ACVR1: variants seen among roughly 807,000 people sequenced by gnomAD.
ACVR1 encodes the protein activin A receptor type 1, also known as activin receptor type-1.
In ACVR1, 38 loss-of-function variants were observed where a neutral mutation model predicts 57.1. The ratio of observed to expected loss-of-function variants is 0.67; its 90% CI spans 0.51 to 0.87. The LOEUF (loss-of-function observed/expected upper bound fraction) is 0.87. Among genes scored for constraint, ACVR1 ranks in the 40% least tolerant of loss-of-function variants. ACVR1 has a pLI of 0.00. For synonymous variants in ACVR1, 212 were observed against 228.1 expected (o/e 0.93, Z 0.63); for missense variants, 463 against 638.2 (o/e 0.73, Z 2.96).
intron 1 of ACVR1, among the ~76,000 whole-genome samples, chr2:157,824,881 G>A (rs1688285992): frequency 6.6e-6 from 1 of 152,108 alleles, no homozygotes; most frequent in Admixed American, 6.5e-5. Flanking sequence ...AGCCTCCTGA[G>A]TATCTGGGAT....
At position 157,831,360 on chromosome 2, in the gene ACVR1, T is replaced by C. The variant is rs556369868; in HGVS notation, c.-182-12801A>G. Among the ~76,000 whole-genome samples the C allele has an allele frequency of 2.0e-5, 3 of 152,304 alleles. No homozygotes were observed. In the South Asian group the frequency reaches 6.2e-4, roughly 32 times the overall value. ...GATCACTTTTACACATGAAATTGCTTAATGCGTGAGTCATCTGAACTCATG... is the reference window on the plus strand; with the variant it reads ...GATCACTTTTACACATGAAATTGCTCAATGCGTGAGTCATCTGAACTCATG... On this transcript the variant is annotated intron_variant, in intron 1 of 10. Transcript: ENST00000434821.
intron 1 of ACVR1, among the ~76,000 whole-genome samples, chr2:157,844,977 G>A (rs1689086137): frequency 6.6e-6 from 1 of 152,200 alleles, no homozygotes; most frequent in Non-Finnish European, 1.5e-5. Flanking sequence ...CTCCAGAACT[G>A]TAAGCAATAA....
rs186979413 is a variant in ACVR1, at chr2:157,829,473, T to C, written c.-182-10914A>G. Among the ~76,000 whole-genome samples the C allele has an allele frequency of 2.7e-3, 413 of 152,322 alleles. 2 individuals are homozygous for C. Among genetic ancestry groups the C allele is most frequent in the African/African-American group, 9.5e-3 (394 of 41,556 alleles). On this transcript the variant is annotated intron_variant, in intron 1 of 10. Transcript: ENST00000434821. ...AAATTGTTCATTGAGTAACGCTCAC[T>C]AGTGCCTCTCCTCTGCTTAAAGCCA...
chr2:157,791,698 T>C (rs187812464), intron 3 of ACVR1, among the ~76,000 whole-genome samples: 1 of 152,336 alleles, frequency 6.6e-6, no homozygotes. Flanking sequence ...GGTGGTGTTT[T>C]GGCCTTGTCT....
intron 3 of ACVR1, among the ~76,000 whole-genome samples, chr2:157,788,184 G>C (rs1171723356): frequency 6.6e-6 from 1 of 152,134 alleles, no homozygotes; most frequent in Non-Finnish European, 1.5e-5. Context: ...AAAGCACAGA[G>C]TGAACAAAGT....
intron 9 of ACVR1, among the ~76,000 whole-genome samples, chr2:157,760,430 T>C (rs944943416): frequency 4.6e-5 from 7 of 152,174 alleles, no homozygotes; most frequent in Admixed American, 2.6e-4. Flanking sequence ...ATATACTATG[T>C]ATTTCAAAAT....
chr2:157,844,459 A>G (rs111719903), intron 1 of ACVR1, among the ~76,000 whole-genome samples: 8 of 152,276 alleles, frequency 5.3e-5, no homozygotes, highest in African/African-American at 1.7e-4. Flanking sequence ...AAAAGTGGTT[A>G]GTTACTCCAC....
chr2:157,784,783 G>C (rs1481984770), intron 3 of ACVR1, among the ~76,000 whole-genome samples: 2 of 152,182 alleles, frequency 1.3e-5, no homozygotes, highest in African/African-American at 4.8e-5. Context: ...GATTTTTCCT[G>C]CTCTGTATGA....
At chr2:157,812,853 A>G (rs1687798577) in intron 2 of ACVR1, among the ~76,000 whole-genome samples, 1 of 152,226 alleles carries the variant, frequency 6.6e-6, no homozygotes, top group South Asian at 2.1e-4. Flanking sequence ...AATAAAATTA[A>G]CACATCATAT....
At chr2:157,865,458 T>A (rs1033762455) in intron 1 of ACVR1, among the ~76,000 whole-genome samples, 6 of 152,174 alleles carry the variant, frequency 3.9e-5, no homozygotes, top group African/African-American at 1.4e-4. Flanking sequence ...TTGGTATTTA[T>A]CTCCAGATAC....
At chr2:157,754,353 C>T (rs1368659510) in intron 9 of ACVR1, among the ~76,000 whole-genome samples, 1 of 151,950 alleles carries the variant, frequency 6.6e-6, no homozygotes, top group Non-Finnish European at 1.5e-5. Flanking sequence ...AAGTGATAGG[C>T]CATTAGCAAG....
intron 1 of ACVR1, among the ~76,000 whole-genome samples, chr2:157,829,160 A>C (rs1333663000): frequency 3.3e-5 from 5 of 152,226 alleles, no homozygotes; most frequent in African/African-American, 1.2e-4. Flanking sequence ...AAGTACAGTA[A>C]CAGTGGGTCT....
chr2:157,795,428 A>G (rs1290343011), intron 3 of ACVR1, among the ~76,000 whole-genome samples: 2 of 127,846 alleles, frequency 1.6e-5, no homozygotes, highest in Non-Finnish European at 3.5e-5. Flanking sequence ...ACACACACAC[A>G]AACACAATAG....
chr2:157,817,199 C>T (rs1687970527), intron 2 of ACVR1, among the ~76,000 whole-genome samples: 1 of 152,024 alleles, frequency 6.6e-6, no homozygotes, highest in Admixed American at 6.5e-5. Flanking sequence ...CTGGGCATAA[C>T]CAATCTTCCT....
chr2:157,870,881 A>G (rs1690095471), intron 1 of ACVR1, among the ~76,000 whole-genome samples: 1 of 152,224 alleles, frequency 6.6e-6, no homozygotes. Context: ...CCCACTTTCC[A>G]AACTCATCCT....
chr2:157,816,457 C>T (rs888548921), intron 2 of ACVR1, among the ~76,000 whole-genome samples: 3 of 150,924 alleles, frequency 2.0e-5, no homozygotes, highest in East Asian at 1.9e-4. Context: ...AATAGCCAGG[C>T]GTGGTTGTGT....
chr2:157,760,750 G>T, intron 9 of ACVR1, 130 bp downstream of exon 9: 1 of 863,678 alleles, frequency 1.2e-6, no homozygotes. Context: ...AATCAAATAT[G>T]AATGCCTATA....
At chr2:157,746,882 A>C (rs780283748) in intron 9 of ACVR1, among the ~76,000 whole-genome samples, 6 of 152,272 alleles carry the variant, frequency 3.9e-5, no homozygotes, top group Non-Finnish European at 8.8e-5. Context: ...ACTATTGAGA[A>C]ATGCTCAGAT....
chr2:157,746,390 G>C (rs2105228771), intron 9 of ACVR1, among the ~76,000 whole-genome samples: 1 of 152,268 alleles, frequency 6.6e-6, no homozygotes, highest in Non-Finnish European at 1.5e-5. Flanking sequence ...TCAGACTCTG[G>C]AATGTTAGTG....
Sources: gnomAD v4.1 joint callset for allele counts (sites outside exome capture counted in the v4.1 genomes callset) on GRCh38, gnomAD v4.1.1 for gene constraint, MANE v1.5 for transcripts, NCBI Gene and HGNC (gene_info 2026-07-23, HGNC 2026-07-21) for gene names.